The following C13orf42 variants were observed in gnomAD, a reference collection of about 807,000 sequenced individuals.
C13orf42 encodes the protein chromosome 13 open reading frame 42.
At chr13:51,086,430 A>C (rs1250268185) in intron 2 of C13orf42, among the ~76,000 whole-genome samples, 4 of 151,820 alleles carry the variant, frequency 2.6e-5, no homozygotes, top group Non-Finnish European at 5.9e-5. Flanking sequence ...GTTTTATGGC[A>C]AAAAAATTAA....
At chr13:51,117,555 T>A (rs567654958) in intron 1 of C13orf42, among the ~76,000 whole-genome samples, 37 of 152,294 alleles carry the variant, frequency 2.4e-4, no homozygotes, top group Admixed American at 2.4e-3. Flanking sequence ...AAAAATTGAG[T>A]GTGAATTTCC....
At chr13:51,084,433 C>T (rs1046099985) in intron 3 of C13orf42, 108 bp from the exon 4 acceptor site, 1 of 396,788 alleles carries the variant, frequency 2.5e-6, no homozygotes, top group Non-Finnish European at 4.4e-6. Flanking sequence ...AGATTGCTGC[C>T]CTAGTCCTGG....
chr13:51,154,823 T>A (rs968925628), intron 1 of C13orf42, among the ~76,000 whole-genome samples: 1 of 152,118 alleles, frequency 6.6e-6, no homozygotes, highest in African/African-American at 2.4e-5. Context: ...GTAAACTAAT[T>A]GCACATTCGA....
chr13:51,161,858 C>A, intron 1 of C13orf42: 1 of 459,212 alleles, frequency 2.2e-6, no homozygotes, highest in Non-Finnish European at 4.3e-6. Flanking sequence ...TCTCAGAGCC[C>A]CAAAAACTTT....
intron 1 of C13orf42, among the ~76,000 whole-genome samples, chr13:51,097,831 C>T (rs1257388119): frequency 3.3e-5 from 5 of 152,198 alleles, no homozygotes; most frequent in East Asian, 1.9e-4. Context: ...GCAGCCTTCC[C>T]GGCTGAGTTT....
intron 1 of C13orf42, among the ~76,000 whole-genome samples, chr13:51,159,104 A>T (rs778291270): frequency 1.3e-5 from 2 of 152,140 alleles, no homozygotes; most frequent in Non-Finnish European, 2.9e-5. Context: ...GACTTTTGCC[A>T]GTTCTGAGTC....
At chr13:51,120,815 A>C (rs1171894315) in intron 1 of C13orf42, among the ~76,000 whole-genome samples, 1 of 152,142 alleles carries the variant, frequency 6.6e-6, no homozygotes, top group Non-Finnish European at 1.5e-5. Flanking sequence ...GGGGTTCAAG[A>C]CCAGCCTGGC....
At chr13:51,157,800 A>C (rs1953836151) in intron 1 of C13orf42, among the ~76,000 whole-genome samples, 1 of 152,230 alleles carries the variant, frequency 6.6e-6, no homozygotes, top group Non-Finnish European at 1.5e-5. Context: ...AGTAATAAAT[A>C]TTCACTAAAA....
At chr13:51,094,789 A>C (rs1169308836) in intron 1 of C13orf42, among the ~76,000 whole-genome samples, 2 of 152,078 alleles carry the variant, frequency 1.3e-5, no homozygotes, top group African/African-American at 2.4e-5. Context: ...TTCTTTCAGC[A>C]CTTTAAAGAT....
intron 1 of C13orf42, among the ~76,000 whole-genome samples, chr13:51,118,781 C>T (rs965233560): frequency 6.6e-6 from 1 of 152,120 alleles, no homozygotes; most frequent in Non-Finnish European, 1.5e-5. Context: ...GATCTTGTAG[C>T]CTAGGGTGCT....
chr13:51,166,556 C>T (rs1468249537), intron 1 of C13orf42, among the ~76,000 whole-genome samples: 4 of 145,674 alleles, frequency 2.7e-5, no homozygotes, highest in African/African-American at 1.0e-4. Context: ...AACTAACCTG[C>T]ACAATGTGCA....
At chr13:51,088,284 G>T (rs1319987102) in intron 1 of C13orf42, among the ~76,000 whole-genome samples, 2 of 152,174 alleles carry the variant, frequency 1.3e-5, no homozygotes, top group African/African-American at 4.8e-5. Flanking sequence ...ATTGTCTCAA[G>T]AAGGGAGAGT....
At chr13:51,160,549 A>T (rs917818880) in intron 1 of C13orf42, among the ~76,000 whole-genome samples, 5 of 152,192 alleles carry the variant, frequency 3.3e-5, no homozygotes, top group African/African-American at 9.7e-5. Context: ...GCTTCTGCAT[A>T]TTGACATACT....
rs1953154944 is a variant in C13orf42 at position 51,088,774 on chromosome 13, A to C, written c.415-699T>G. ...TACACTCAAATCGTGGAATAAATTA[A>C]AATTAGTATGGTTGTTTGAAAAGTA... On this transcript the variant is annotated intron_variant, in intron 1 of 3. Transcript: ENST00000563710. Among the ~76,000 whole-genome samples, 4 of 152,242 alleles carry C rather than the reference A, an allele frequency of 2.6e-5. No homozygotes were observed. The South Asian group carries it at 8.3e-4, about 31-fold the overall frequency.
At chr13:51,147,069 G>GGGCAGGCCAGGGGAGAGGT (rs1327248954) in intron 1 of C13orf42, among the ~76,000 whole-genome samples, 4 of 152,234 alleles carry the variant, frequency 2.6e-5, no homozygotes, top group African/African-American at 9.6e-5. Flanking sequence ...CAAAAGGTGG[G>GGGCAGGCCAGGGGAGAGGT]GGCAGGCCAG....
At chr13:51,106,606 C>A (rs1382473564) in intron 1 of C13orf42, among the ~76,000 whole-genome samples, 1 of 152,106 alleles carries the variant, frequency 6.6e-6, no homozygotes, top group Non-Finnish European at 1.5e-5. Context: ...TAATAGCCAA[C>A]AGGTCAGGTT....
chr13:51,086,516 G>T (rs779500540), intron 2 of C13orf42, among the ~76,000 whole-genome samples: 7 of 139,900 alleles, frequency 5.0e-5, no homozygotes, highest in African/African-American at 6.5e-5. Flanking sequence ...GAGAGAGAGT[G>T]TGTGTGTGTG....
intron 1 of C13orf42, among the ~76,000 whole-genome samples, chr13:51,129,179 G>C (rs1953596963): frequency 6.6e-6 from 1 of 152,196 alleles, no homozygotes; most frequent in African/African-American, 2.4e-5. Context: ...GCCAGCCGCA[G>C]TGACAAACCT....
upstream of C13orf42, among the ~76,000 whole-genome samples, chr13:51,113,566 TTGTGTGTG>T (rs3990095): frequency 1.1e-3 from 164 of 148,108 alleles, no homozygotes; most frequent in African/African-American, 3.8e-3. Context: ...AAAGTGTATT[TTGTGTGTG>T]TGTGTGTGTG....
Sources: gnomAD v4.1 joint callset for allele counts (sites outside exome capture counted in the v4.1 genomes callset) on GRCh38, gnomAD v4.1.1 for gene constraint, MANE v1.5 for transcripts, NCBI Gene and HGNC (gene_info 2026-07-23, HGNC 2026-07-21) for gene names.